The following ABTB2 variants were observed in gnomAD, a reference collection of about 807,000 sequenced individuals.
The protein encoded by ABTB2 is ankyrin repeat and BTB domain containing 2.
Under a neutral mutation model 104.1 loss-of-function variants are expected in ABTB2, and 56 were observed. The ratio of observed to expected loss-of-function variants is 0.54; its 90% confidence interval spans 0.43 to 0.67. The LOEUF is 0.67. ABTB2 is among the 30% of genes least tolerant of loss of function. The pLI is 0.00. For synonymous variants in ABTB2, 606 were observed against 608.2 expected, an observed-to-expected ratio of 1.00 and a Z score of 0.05; for missense variants, 1,279 against 1,407.7, an observed-to-expected ratio of 0.91 and a Z score of 1.46.
chr11:34,198,346 AC>A (rs1423985850), intron 2 of ABTB2, among the ~76,000 whole-genome samples: 1 of 152,060 alleles, frequency 6.6e-6, no homozygotes, highest in Non-Finnish European at 1.5e-5. Flanking sequence ...AATCGCTTTA[AC>A]CTGGGAGGCG....
At chr11:34,261,813 G>A (rs1481488348) in intron 1 of ABTB2, among the ~76,000 whole-genome samples, 2 of 152,168 alleles carry the variant, frequency 1.3e-5, no homozygotes, top group East Asian at 3.8e-4. Context: ...ACAGTTTGGT[G>A]AATAAGCTGT....
intron 1 of ABTB2, among the ~76,000 whole-genome samples, chr11:34,332,386 C>T (rs1855142067): frequency 6.6e-6 from 1 of 152,198 alleles, no homozygotes; most frequent in African/African-American, 2.4e-5. Flanking sequence ...ATCATTCAGA[C>T]TAAGGTCAAA....
chr11:34,312,000 TC>T (rs1854860175), intron 1 of ABTB2, among the ~76,000 whole-genome samples: 1 of 151,550 alleles, frequency 6.6e-6, no homozygotes, highest in African/African-American at 2.4e-5. Context: ...AATTTGCAGG[TC>T]ATGGTGGCGC....
intron 10 of ABTB2, among the ~76,000 whole-genome samples, chr11:34,161,362 C>G (rs1852718822): frequency 6.6e-6 from 1 of 152,196 alleles, no homozygotes; most frequent in African/African-American, 2.4e-5. Flanking sequence ...GGCCCAAATG[C>G]AGGGAACTCA....
intron 1 of ABTB2, among the ~76,000 whole-genome samples, chr11:34,354,082 T>G (rs1240794754): frequency 6.6e-6 from 1 of 152,226 alleles, no homozygotes; most frequent in Non-Finnish European, 1.5e-5. Flanking sequence ...GCCTGGTTAT[T>G]GTTTAATGTG....
intron 1 of ABTB2, among the ~76,000 whole-genome samples, chr11:34,250,143 T>C (rs780755001): frequency 1.9e-4 from 29 of 152,250 alleles, no homozygotes; most frequent in South Asian, 4.1e-4. Flanking sequence ...GAGAGCTGGG[T>C]GTTCTAAGAG....
rs76572676 is a variant in ABTB2, at chr11:34,289,171, C to T, written c.883+67530G>A. Among the ~76,000 whole-genome samples, 543 of 152,292 alleles carry T rather than the reference C, an allele frequency of 3.6e-3. 20 individuals carry two copies. The East Asian group carries it at 0.083, about 23-fold the overall frequency. ...GTCCAGGAGGACTTGATTGTCAATT[C>T]TCAAACATCTGAGTTCTGTAACAAC... is the stretch of plus-strand genomic sequence containing the variant. On this transcript the variant is annotated intron_variant, in intron 1 of 16. Coordinates refer to ENST00000435224, the MANE Select transcript of ABTB2 (RefSeq NM_145804.3).
At chr11:34,285,315 T>C (rs1211912450) in intron 1 of ABTB2, among the ~76,000 whole-genome samples, 1 of 152,092 alleles carries the variant, frequency 6.6e-6, no homozygotes, top group African/African-American at 2.4e-5. Context: ...AGGCGGGTGC[T>C]ATCGATCACT....
At chr11:34,183,707 A>G (rs957522792) in intron 3 of ABTB2, among the ~76,000 whole-genome samples, 2 of 152,128 alleles carry the variant, frequency 1.3e-5, no homozygotes, top group Admixed American at 6.5e-5. Context: ...CCTCTGGACT[A>G]TATCTTCTCT....
intron 9 of ABTB2, 69 bp from the exon 10 acceptor site, chr11:34,162,874 C>T (rs1852743230): frequency 1.4e-6 from 2 of 1,426,284 alleles, no homozygotes; most frequent in Non-Finnish European, 1.9e-6. Context: ...GAGCTGTCCC[C>T]CAGTGCCCTC....
At chr11:34,314,571 G>A (rs1358477022) in intron 1 of ABTB2, among the ~76,000 whole-genome samples, 3 of 152,222 alleles carry the variant, frequency 2.0e-5, no homozygotes, top group Non-Finnish European at 2.9e-5. Context: ...ACAGCTGCAA[G>A]GGAGAGGTGC....
rs79232902 is a variant in ABTB2, at chr11:34,313,861, T to C, written c.883+42840A>G. On this transcript the variant is annotated intron_variant, in intron 1 of 16. Transcript: ENST00000435224. ...TCTTACCACCCTTATAATCATAGAT[T>C]CTCTGTGTAAAAGCCCTCCCCACCG... is the stretch of plus-strand genomic sequence containing the variant. Among the ~76,000 whole-genome samples the C allele has an allele frequency of 5.8e-3, 890 of 152,314 alleles. 9 individuals are homozygous for C. Among genetic ancestry groups the C allele is most frequent in the African/African-American group, 0.02 (828 of 41,574 alleles).
At chr11:34,235,140 C>T (rs530662467) in intron 1 of ABTB2, among the ~76,000 whole-genome samples, 16 of 152,270 alleles carry the variant, frequency 1.1e-4, no homozygotes, top group Admixed American at 7.2e-4. Context: ...GGATTACAGG[C>T]GTGAGCCACC....
intron 4 of ABTB2, 59 bp downstream of exon 4, chr11:34,173,096 G>A (rs1852907009): frequency 2.5e-6 from 4 of 1,606,262 alleles, no homozygotes; most frequent in Middle Eastern, 1.6e-4. Flanking sequence ...AGCGAGCAGA[G>A]GGGAGCCGCT....
At chr11:34,218,810 C>T (rs2092637) in intron 1 of ABTB2, among the ~76,000 whole-genome samples, 111,381 of 143,970 alleles carry the variant, frequency 0.77, 43,083 homozygotes, top group East Asian at 0.86. Context: ...TGCACCATTG[C>T]ATTCCAGCCT....
intron 1 of ABTB2, among the ~76,000 whole-genome samples, chr11:34,305,673 A>G (rs561609640): frequency 6.6e-6 from 1 of 152,332 alleles, no homozygotes; most frequent in South Asian, 2.1e-4. Flanking sequence ...AGGGAGTAGA[A>G]TTTTACTTTT....
chr11:34,240,686 A>G (rs1853904511), intron 1 of ABTB2, among the ~76,000 whole-genome samples: 1 of 152,086 alleles, frequency 6.6e-6, no homozygotes, highest in South Asian at 2.1e-4. Context: ...TCCACCTCCC[A>G]GGTTCAAGTG....
At chr11:34,312,362 C>G (rs1854867004) in intron 1 of ABTB2, among the ~76,000 whole-genome samples, 1 of 152,142 alleles carries the variant, frequency 6.6e-6, no homozygotes, top group African/African-American at 2.4e-5. Context: ...CCAGAAGATT[C>G]AGGCTCAAAT....
intron 1 of ABTB2, among the ~76,000 whole-genome samples, chr11:34,309,770 A>G (rs1386087765): frequency 2.0e-5 from 3 of 152,140 alleles, no homozygotes; most frequent in African/African-American, 7.2e-5. Context: ...AATCATTGTC[A>G]TAGGAAGAGG....
Sources: allele counts gnomAD v4.1 joint callset (sites outside exome capture counted in the v4.1 genomes callset), GRCh38; gene constraint gnomAD v4.1.1; transcripts MANE v1.5; gene names NCBI Gene and HGNC (gene_info 2026-07-23, HGNC 2026-07-21).